KRT82: variants seen among roughly 807,000 people sequenced by gnomAD.
KRT82 encodes the protein keratin, type II cuticular Hb2.
A neutral mutation model predicts 48.0 loss-of-function variants in KRT82; 44 were observed. The observed-to-expected ratio is 0.92, with a 90% CI of 0.72 to 1.18. KRT82 has a LOEUF of 1.18. KRT82 is among the 50% of genes most tolerant of loss of function. The pLI is 0.00. For synonymous variants in KRT82, 297 were observed against 278.3 expected, an observed-to-expected ratio of 1.07 and a Z score of -0.67; for missense variants, 701 against 671.4, an observed-to-expected ratio of 1.04 and a Z score of -0.49.
At chr12:52,397,622 G>C (rs1362787674) in intron 5 of KRT82, among the ~76,000 whole-genome samples, 1 of 152,230 alleles carries the variant, frequency 6.6e-6, no homozygotes, top group East Asian at 1.9e-4. Flanking sequence ...CTGATAGTGA[G>C]TGGGAGCATA....
intron 5 of KRT82, 53 bp from the exon 6 acceptor site, chr12:52,397,061 G>T: frequency 5.6e-6 from 9 of 1,596,232 alleles, no homozygotes; most frequent in South Asian, 1.1e-5. Context: ...GCATCTCCTA[G>T]CCTCTTTTCT....
chr12:52,395,243 C>T, intron 8 of KRT82, 48 bp from the exon 9 acceptor site: 2 of 1,487,534 alleles, frequency 1.3e-6, no homozygotes, highest in East Asian at 2.3e-5. Flanking sequence ...GTGTGGCTCT[C>T]AGTGTACTGC....
chr12:52,403,569 T>A, intron 2 of KRT82, 132 bp downstream of exon 2: 1 of 674,992 alleles, frequency 1.5e-6, no homozygotes, highest in Non-Finnish European at 2.6e-6. Context: ...GCTGACACCA[T>A]CCCACCTAAC....
intron 5 of KRT82, among the ~76,000 whole-genome samples, chr12:52,398,327 G>C (rs897016550): frequency 2.6e-5 from 4 of 152,070 alleles, no homozygotes; most frequent in African/African-American, 7.2e-5. Flanking sequence ...GGAACATGAG[G>C]CAACCAAGAG....
In KRT82 at chr12:52,405,948, G is replaced by C; in HGVS notation, c.330C>G (p.Asp110Glu). 1 of 1,614,204 alleles carries C rather than the reference G, an allele frequency of 6.2e-7. No homozygotes were observed. Among genetic ancestry groups the C allele is most frequent in the Non-Finnish European group, 8.5e-7 (1 of 1,180,036 alleles). Residue 110 changes from aspartate to glutamate, a missense_variant, in exon 1 of 9, where the codon GAC (aspartate) becomes GAG (glutamate). Physicochemically the swap from Asp to Glu is conservative, Grantham distance 45. Coordinates refer to ENST00000257974, the MANE Select transcript of KRT82 (RefSeq NM_033033.4). ...SLLVPLALEI[D>E]PTVQRVKRDE... is the part of the protein sequence containing the mutation. ...CCCTCTTTACCCTCTGCACAGTCGG[G>C]TCTATCTCCAGTGCCAGTGGGACCA...
At chr12:52,400,259 A>C in intron 4 of KRT82, 110 bp from the exon 5 acceptor site, 5 of 1,130,198 alleles carry the variant, frequency 4.4e-6, no homozygotes, top group Non-Finnish European at 6.3e-6. Context: ...GAACTCTGCT[A>C]TGGCTGTTCT....
At chr12:52,395,347 C>T in intron 8 of KRT82, 152 bp from the exon 9 acceptor site, 1 of 658,254 alleles carries the variant, frequency 1.5e-6, no homozygotes, top group Non-Finnish European at 2.6e-6. Context: ...GTCTCCCACC[C>T]TAGCCACATA....
intron 8 of KRT82, 106 bp from the exon 9 acceptor site, chr12:52,395,301 C>T (rs1939697984): frequency 1.1e-6 from 1 of 881,644 alleles, no homozygotes; most frequent in East Asian, 2.6e-5. Context: ...TGCCACTCAC[C>T]TCTACAGACA....
At chr12:52,402,892 C>T (rs563415404) in intron 2 of KRT82, among the ~76,000 whole-genome samples, 2 of 152,288 alleles carry the variant, frequency 1.3e-5, no homozygotes, top group African/African-American at 4.8e-5. Flanking sequence ...TTCAACTTGC[C>T]TGCCTCTAAC....
At chr12:52,396,754 G>A in intron 6 of KRT82, 129 bp downstream of exon 6, 1 of 1,044,690 alleles carries the variant, frequency 9.6e-7, no homozygotes, top group Non-Finnish European at 1.4e-6. Flanking sequence ...TTCTGCTTGA[G>A]CAAGGCAGCA....
chr12:52,399,606 C>G (rs895783140), intron 5 of KRT82, among the ~76,000 whole-genome samples: 6 of 152,242 alleles, frequency 3.9e-5, no homozygotes, highest in African/African-American at 9.6e-5. Flanking sequence ...TGCCACTAGC[C>G]TCCTCCCACG....
At chr12:52,401,378 T>C (rs757351842) in intron 2 of KRT82, 29 bp from the exon 3 acceptor site, 2 of 1,610,456 alleles carry the variant, frequency 1.2e-6, no homozygotes, top group South Asian at 1.1e-5. Context: ...AAAAATGCTT[T>C]AGTCGGGCTT....
rs78960645 is a variant in KRT82, at chr12:52,397,094, C to A, written c.943-86G>T. The A allele has an allele frequency of 5.9e-6, 9 of 1,513,404 alleles. No homozygotes were observed. The Admixed American group carries it at 1.3e-4, about 22-fold the overall frequency. The allele number at this position is 1,513,404 out of a possible 1,614,324, so 93.7% of individuals were successfully genotyped here. On this transcript the variant is annotated intron_variant, in intron 5 of 8. Transcript: ENST00000257974. ...TCTCACTGTTCCCAGTCTTTTCTCCCGTGACTTCCTAGTTCAGGTGTTCTC... is the reference window on the plus strand; with the variant it reads ...TCTCACTGTTCCCAGTCTTTTCTCCAGTGACTTCCTAGTTCAGGTGTTCTC...
intron 4 of KRT82, among the ~76,000 whole-genome samples, 174 bp from the exon 5 acceptor site, chr12:52,400,323 T>G (rs950452944): frequency 1.8e-4 from 27 of 152,358 alleles, no homozygotes; most frequent in Non-Finnish European, 1.9e-4. Context: ...GCCCAGAGCT[T>G]GGTGGAGACT....
rs529536223 is a variant in KRT82, at chr12:52,400,074, C to T, written c.853G>A (p.Val285Met). Reference protein sequence around the residue: ...VKMDNSRELDVDGIIAEIKAQ... With the variant: ...VKMDNSRELDMDGIIAEIKAQ... ...TTGATCTCAGCGATGATGCCGTCCACGTCCAGCTCCCGGCTGTTGTCCATC... is the reference window on the plus strand; with the variant it reads ...TTGATCTCAGCGATGATGCCGTCCATGTCCAGCTCCCGGCTGTTGTCCATC... The change falls in exon 5 of 9, where the codon GTG becomes ATG. Residue 285 changes from valine to methionine, a missense_variant. Physicochemically the swap from Val to Met is conservative, Grantham distance 21 (BLOSUM62 1). Transcript: ENST00000257974. The T allele has an allele frequency of 3.9e-5, 63 of 1,614,204 alleles. No individual in the cohort carries two copies. Among genetic ancestry groups the T allele is most frequent in the African/African-American group, 3.9e-4 (29 of 75,070 alleles).
intron 7 of KRT82, 23 bp from the exon 8 acceptor site, chr12:52,395,813 A>G (rs1732265): frequency 0.78 from 1,184,417 of 1,524,060 alleles, 462,560 homozygotes; most frequent in African/African-American, 0.93. Flanking sequence ...GGAAAAAGAA[A>G]ACAGGTATCT....
At position 52,401,269 on chromosome 12, in the gene KRT82, T is replaced by C; in HGVS notation, c.681+20A>G. On this transcript the variant is annotated intron_variant, in intron 3 of 8. Transcript: ENST00000257974. ...CGCAGGCCAGCTCAGGGGCTCTGCCTCTCTGAGCTTCCTCCTTACCTTCTT... is the reference window on the plus strand; with the variant it reads ...CGCAGGCCAGCTCAGGGGCTCTGCCCCTCTGAGCTTCCTCCTTACCTTCTT... 6.2e-7 allele frequency: 1 copy of C among 1,610,412 alleles called. No homozygotes were observed. The highest frequency in any genetic ancestry group is 8.5e-7 in the Non-Finnish European group (1 of 1,176,642).
At chr12:52,397,212 C>G (rs1030788755) in intron 5 of KRT82, among the ~76,000 whole-genome samples, 1 of 152,208 alleles carries the variant, frequency 6.6e-6, no homozygotes, top group African/African-American at 2.4e-5. Context: ...CCATCTCACC[C>G]CATCCCCAGC....
At position 52,396,167 on chromosome 12, in the gene KRT82, G is replaced by A. The variant is rs749890962; in HGVS notation, c.1134C>T (p.Ala378=). 7 of 1,614,038 alleles carry A rather than the reference G, an allele frequency of 4.3e-6. No homozygotes were observed. The change falls in exon 7 of 9, where the codon GCC becomes GCT. Residue 378 remains alanine (A), a synonymous_variant. Transcript: ENST00000257974. ...EQQGEAALND[A]KCKLAGLEEA... ...CCTCCAGCCCTGCCAGCTTGCACTTGGCATCATTGAGAGCCGCCTCGCCCT... is the reference window on the plus strand; with the variant it reads ...CCTCCAGCCCTGCCAGCTTGCACTTAGCATCATTGAGAGCCGCCTCGCCCT...
Sources: gnomAD v4.1 joint callset for allele counts (sites outside exome capture counted in the v4.1 genomes callset) on GRCh38, gnomAD v4.1.1 for gene constraint, MANE v1.5 for transcripts, NCBI Gene and HGNC (gene_info 2026-07-23, HGNC 2026-07-21) for gene names.